The following SCAP variants were observed in gnomAD, a reference collection of about 807,000 sequenced individuals.
SCAP encodes sterol regulatory element-binding protein cleavage-activating protein.
In SCAP, 65 loss-of-function variants were observed where a neutral mutation model predicts 123.6. That is an observed-to-expected ratio of 0.53 (90% CI 0.43 to 0.65). SCAP has a LOEUF of 0.65. Among genes scored for constraint, SCAP ranks in the 30% least tolerant of loss-of-function variants. The pLI, the probability that SCAP is intolerant of heterozygous loss-of-function variation, is 0.00. For missense variants in SCAP, 1,398 were observed against 1,712.5 expected (o/e 0.82, Z 3.24); for synonymous variants, 740 against 726.3 (o/e 1.02, Z -0.30).
chr3:47,416,926 A>G (rs539672329), intron 18 of SCAP, among the ~76,000 whole-genome samples, 196 bp downstream of exon 18: 1 of 151,836 alleles, frequency 6.6e-6, no homozygotes, highest in Admixed American at 6.5e-5. Flanking sequence ...GCGCCCGGCC[A>G]CCCCTAACGC....
At position 47,460,905 on chromosome 3, in the gene SCAP, AG is replaced by A. The variant is rs1274245546; in HGVS notation, c.-99+14893del. ...TGGAAGAGGGTTCCAAACAGTGCAA[AG>A]AGGGGAGGAGTTTGTGAGGAGAAAT... On this transcript the variant is annotated intron_variant, in intron 1 of 22. Transcript: ENST00000265565. 1.3e-3 allele frequency among the ~76,000 whole-genome samples: 196 copies of A among 152,116 alleles called. 1 individual carries two copies. The highest frequency in any genetic ancestry group is 4.4e-3 in the African/African-American group (183 of 41,400).
intron 1 of SCAP, among the ~76,000 whole-genome samples, chr3:47,459,051 C>A (rs571775627): frequency 6.6e-6 from 1 of 152,188 alleles, no homozygotes; most frequent in African/African-American, 2.4e-5. Flanking sequence ...GTGATCTGCC[C>A]GCCTTGGCCT....
chr3:47,446,092 T>C (rs1707029072), intron 1 of SCAP, among the ~76,000 whole-genome samples: 1 of 151,208 alleles, frequency 6.6e-6, no homozygotes, highest in Non-Finnish European at 1.5e-5. Flanking sequence ...GCCAGGATGG[T>C]CTCAATCTCT....
At chr3:47,415,338 G>A (rs547189252) in intron 18 of SCAP, among the ~76,000 whole-genome samples, 158 bp from the exon 19 acceptor site, 2 of 152,314 alleles carry the variant, frequency 1.3e-5, no homozygotes, top group African/African-American at 4.8e-5. Context: ...TGGAGCCAGA[G>A]GGCAACTCCA....
chr3:47,418,378 G>C lies in SCAP; in HGVS notation c.2274C>G (p.Tyr758Ter). The C allele has an allele frequency of 6.4e-7, 1 of 1,573,338 alleles. No homozygotes were observed. The highest frequency in any genetic ancestry group is 8.6e-7 in the Non-Finnish European group (1 of 1,162,744). ...RRRGELPCDD[Y>*]GYAPPETEIV... ...TCTCCGTCTCGGGTGGCGCATAGCC[G>C]TAGTCGTCGCAGGGCAGCTCCCCGC... Residue 758 changes from tyrosine to a stop codon, truncating the protein, a stop_gained, in exon 15 of 23, where the codon TAC (tyrosine) becomes TAG (stop). Transcript: ENST00000265565. LOFTEE classifies it high-confidence loss of function.
At chr3:47,444,857 T>C (rs6785538) in intron 1 of SCAP, among the ~76,000 whole-genome samples, 145,596 of 151,852 alleles carry the variant, frequency 0.96, 70,120 homozygotes, top group East Asian at 1. Flanking sequence ...ATGAAATCTC[T>C]GTCTCCTGGG....
intron 9 of SCAP, among the ~76,000 whole-genome samples, chr3:47,423,037 T>G (rs148430081): frequency 2.0e-5 from 3 of 152,322 alleles, no homozygotes; most frequent in African/African-American, 7.2e-5. Context: ...TGTCTAAGGC[T>G]CTGTGCTCTT....
chr3:47,452,926 CAA>C (rs5848834), intron 1 of SCAP, among the ~76,000 whole-genome samples: 76 of 145,072 alleles, frequency 5.2e-4, no homozygotes, highest in South Asian at 2.4e-3. Context: ...CCTGTCTCTA[CAA>C]AAAAAAAAAA....
chr3:47,464,091 C>T (rs1707741770), intron 1 of SCAP, among the ~76,000 whole-genome samples: 1 of 152,182 alleles, frequency 6.6e-6, no homozygotes, highest in Non-Finnish European at 1.5e-5. Context: ...TCTCAGCTCA[C>T]TGCAACCTCC....
intron 6 of SCAP, 95 bp downstream of exon 6, chr3:47,427,062 G>A: frequency 1.2e-6 from 1 of 833,700 alleles, no homozygotes; most frequent in South Asian, 1.5e-5. Flanking sequence ...AAGTTTCCAG[G>A]GGGCATTCAG....
Position 47,418,491 on chromosome 3 carries a change from C to T in SCAP, c.2161G>A (p.Val721Ile), listed in dbSNP as rs1449328200. Reference protein sequence around the residue: ...VAALGLATGIVLVLLLLCLYR... With the variant: ...VAALGLATGIILVLLLLCLYR... ...AGGCAGAGCAGCAGCAGCACCAAGA[C>T]GATGCCGGTGGCCAGGCCCAGCGCC... Residue 721 changes from valine to isoleucine, a missense_variant, in exon 15 of 23, where the codon GTC becomes ATC. This residue lies in a region of SCAP where 828 missense variants were observed against 882.5 expected (regional missense o/e 0.94). Transcript: ENST00000265565. 4.4e-6 allele frequency: 7 copies of T among 1,599,644 alleles called. No homozygotes were observed. The East Asian group carries it at 6.8e-5, about 15-fold the overall frequency.
chr3:47,421,109 G>T, intron 10 of SCAP, 80 bp from the exon 11 acceptor site: 1 of 1,094,232 alleles, frequency 9.1e-7, no homozygotes, highest in South Asian at 1.2e-5. Flanking sequence ...CCGGACTGCA[G>T]CCACCTCATA....
rs960630369 is a variant in SCAP at position 47,419,001 on chromosome 3, C to A, written c.1941-158G>T. Reference sequence around the variant, plus strand: ...GTTGGGGACAGAGGTAGGTCCCTCCCCAGCCCAGCTTAGCAGCCAACTTGC... The same window carrying A: ...GTTGGGGACAGAGGTAGGTCCCTCCACAGCCCAGCTTAGCAGCCAACTTGC... On this transcript the variant is annotated intron_variant, in intron 13 of 22. Transcript: ENST00000265565. The surrounding 1 kb of genome is among the most constrained non-coding windows in gnomAD (Gnocchi z 5.0). Among the ~76,000 whole-genome samples, 9 of 152,200 alleles carry A rather than the reference C, an allele frequency of 5.9e-5. No homozygotes were observed. The highest frequency in any genetic ancestry group is 2.2e-4 in the African/African-American group (9 of 41,456).
chr3:47,434,531 A>T (rs2107864179), intron 3 of SCAP, among the ~76,000 whole-genome samples: 1 of 152,116 alleles, frequency 6.6e-6, no homozygotes, highest in African/African-American at 2.4e-5. Flanking sequence ...GGGTCAGGAG[A>T]CCTAGAGTTC....
intron 1 of SCAP, among the ~76,000 whole-genome samples, chr3:47,447,487 A>G (rs1707086826): frequency 1.3e-5 from 2 of 152,144 alleles, no homozygotes; most frequent in African/African-American, 4.8e-5. Context: ...CAGAAGTTCA[A>G]GACCAGCCTA....
At position 47,442,971 on chromosome 3, in the gene SCAP, C is replaced by T. The variant is rs201271939; in HGVS notation, c.23G>A (p.Arg8His). Residue 8 changes from arginine to histidine, a missense_variant, in exon 2 of 23, where the codon CGT becomes CAT. Coordinates refer to ENST00000265565, the MANE Select transcript of SCAP (RefSeq NM_012235.4). MTLTERLREKISRAFYNH... is the reference protein window; with the variant it reads MTLTERLHEKISRAFYNH... ...GTAGAAGGCCCGAGATATCTTCTCA[C>T]GCAGCCTTTCAGTCAGGGTCATCCT... 4.3e-6 allele frequency: 7 copies of T among 1,614,042 alleles called. No homozygotes were observed. The highest frequency in any genetic ancestry group is 1.7e-5 in the Admixed American group (1 of 60,020).
At chr3:47,472,436 G>A (rs1414165217) in intron 1 of SCAP, among the ~76,000 whole-genome samples, 20 of 128,464 alleles carry the variant, frequency 1.6e-4, no homozygotes, top group African/African-American at 4.3e-4. Flanking sequence ...GCGAGACTCC[G>A]TCTCAAAAAA....
intron 3 of SCAP, among the ~76,000 whole-genome samples, chr3:47,432,507 C>T (rs1339244824): frequency 1.3e-5 from 2 of 152,030 alleles, no homozygotes; most frequent in African/African-American, 2.4e-5. Flanking sequence ...GACAGTGAGC[C>T]TCTATCTGTC....
At chr3:47,423,126 A>G (rs116395559) in intron 9 of SCAP, among the ~76,000 whole-genome samples, 198 of 152,348 alleles carry the variant, frequency 1.3e-3, no homozygotes, top group African/African-American at 4.6e-3. Flanking sequence ...AGAGGCTCAC[A>G]GAGGTCTGGA....
Sources: gnomAD v4.1 joint callset for allele counts (sites outside exome capture counted in the v4.1 genomes callset) on GRCh38, gnomAD v4.1.1 for gene constraint, gnomAD v4.1.1 regional missense constraint, Gnocchi (gnomAD v3.1) non-coding constraint, MANE v1.5 for transcripts, NCBI Gene and HGNC (gene_info 2026-07-23, HGNC 2026-07-21) for gene names.